SEPTIN9: variants seen among roughly 807,000 people sequenced by gnomAD.
The protein encoded by SEPTIN9 is septin-9.
In SEPTIN9, 13 loss-of-function variants were observed where a neutral mutation model predicts 56.6. The observed-to-expected ratio is 0.23, with a 90% CI of 0.15 to 0.37. The LOEUF (loss-of-function observed/expected upper bound fraction) is 0.37, where lower values mean the gene tolerates loss of function less well. Ranked by LOEUF, SEPTIN9 falls within the 10% of genes least tolerant of loss-of-function variation. The pLI is 1.00. For missense variants in SEPTIN9, 650 were observed against 823.1 expected (o/e 0.79, Z 2.57); for synonymous variants, 332 against 334.1 (o/e 0.99, Z 0.07).
chr17:77,490,670 C>A, intron 7 of SEPTIN9, 72 bp from the exon 8 acceptor site: 1 of 1,201,562 alleles, frequency 8.3e-7, no homozygotes, highest in South Asian at 1.3e-5. Flanking sequence ...GTGTCGACAC[C>A]TGCTTGGGGG....
chr17:77,388,307 C>T (rs1369749016), intron 2 of SEPTIN9, among the ~76,000 whole-genome samples: 1 of 152,146 alleles, frequency 6.6e-6, no homozygotes. Context: ...GGAGGTGCTG[C>T]CTCTCTCTGG....
Position 77,429,925 on chromosome 17 carries a change from T to G in SEPTIN9, c.721+27222T>G, listed in dbSNP as rs2037063940. Among the ~76,000 whole-genome samples the G allele has an allele frequency of 6.6e-6, 1 of 152,174 alleles. No homozygotes were observed. The highest frequency in any genetic ancestry group is 2.4e-5 in the African/African-American group (1 of 41,428). On this transcript the variant is annotated intron_variant, in intron 3 of 11. Coordinates refer to ENST00000427177, the MANE Select transcript of SEPTIN9 (RefSeq NM_001113491.2). This position sits in a 1 kb window ranked among gnomAD's most constrained non-coding sequence, Gnocchi z 5.2. ...ATGGCTGTCAAATCCTTTAGATGCT[T>G]CTGGGTTCCATGGGCGCCTTACACT...
intron 3 of SEPTIN9, among the ~76,000 whole-genome samples, chr17:77,444,323 G>A (rs2037655967): frequency 6.6e-6 from 1 of 152,326 alleles, no homozygotes; most frequent in African/African-American, 2.4e-5. Context: ...GGAGCGAGAT[G>A]GGAGGTGGGT....
rs1327893841 is a variant in SEPTIN9, at chr17:77,421,486, A to G, written c.721+18783A>G. 1.3e-5 allele frequency among the ~76,000 whole-genome samples: 2 copies of G among 152,040 alleles called. No individual in the cohort carries two copies. Among genetic ancestry groups the G allele is most frequent in the Non-Finnish European group, 2.9e-5 (2 of 68,014 alleles). ...GGGGTCTGTGCTTCCCTGGGGACCGAGATGAGGGCTCCAGGTTGGCTCCGG... is the reference window on the plus strand; with the variant it reads ...GGGGTCTGTGCTTCCCTGGGGACCGGGATGAGGGCTCCAGGTTGGCTCCGG... On this transcript the variant is annotated intron_variant, in intron 3 of 11. Coordinates refer to ENST00000427177, the MANE Select transcript of SEPTIN9 (RefSeq NM_001113491.2). The surrounding 1 kb of genome is among the most constrained non-coding windows in gnomAD (Gnocchi z 4.6).
intron 2 of SEPTIN9, among the ~76,000 whole-genome samples, chr17:77,333,745 G>C (rs1347118842): frequency 6.6e-6 from 1 of 152,148 alleles, no homozygotes; most frequent in Non-Finnish European, 1.5e-5. Flanking sequence ...ATGGTGTGAG[G>C]TAGAGGGTCA....
chr17:77,458,284 C>T (rs1038042569), intron 3 of SEPTIN9, among the ~76,000 whole-genome samples: 14 of 152,318 alleles, frequency 9.2e-5, no homozygotes, highest in Non-Finnish European at 1.8e-4. Context: ...GAGCAAGGTT[C>T]CCAGCCAGGG....
rs368402337 is a variant in SEPTIN9 at position 77,367,183 on chromosome 17, C to T, written c.77-34876C>T. Among the ~76,000 whole-genome samples, 91 of 152,312 alleles carry T rather than the reference C, an allele frequency of 6.0e-4. 2 individuals are homozygous for T. In the South Asian group the frequency reaches 0.012, roughly 20 times the overall value. ...CTGAAAGAGACTTAGTGGTCCACAG[C>T]CTGGTGGCTGCTCCCAGTACAGGTG... On this transcript the variant is annotated intron_variant, in intron 2 of 11. Coordinates refer to ENST00000427177, the MANE Select transcript of SEPTIN9 (RefSeq NM_001113491.2). This position sits in a 1 kb window ranked among gnomAD's most constrained non-coding sequence, Gnocchi z 4.5.
chr17:77,457,969 G>A (rs114329664), intron 3 of SEPTIN9, among the ~76,000 whole-genome samples: 1,530 of 152,282 alleles, frequency 0.01, 23 homozygotes, highest in African/African-American at 0.035. Flanking sequence ...GTAAACCCAC[G>A]CGCCACCCTA....
chr17:77,388,728 T>C (rs1804272723), intron 2 of SEPTIN9, among the ~76,000 whole-genome samples: 3 of 149,136 alleles, frequency 2.0e-5, no homozygotes, highest in South Asian at 4.4e-4. Context: ...GGCCATCGGC[T>C]GCCCGCCTTG....
rs2037284599 is a variant in SEPTIN9 at position 77,434,959 on chromosome 17, G to T, written c.721+32256G>T. Among the ~76,000 whole-genome samples, 1 of 152,198 alleles carries T rather than the reference G, an allele frequency of 6.6e-6. No homozygotes were observed. The highest frequency in any genetic ancestry group is 2.1e-4 in the South Asian group (1 of 4,830). The stretch of plus-strand genomic sequence containing the variant: ...CCTCTGCCGACATCAGGCTGCCGGT[G>T]CTGGACGGGGCCCTGGCAACCGTGG... On this transcript the variant is annotated intron_variant, in intron 3 of 11. Transcript: ENST00000427177. This position sits in a 1 kb window ranked among gnomAD's most constrained non-coding sequence, Gnocchi z 5.0.
At chr17:77,469,687 G>A (rs1190811285) in intron 3 of SEPTIN9, 1 of 152,116 alleles carries the variant, frequency 6.6e-6, no homozygotes. Context: ...TTTTCCTGGG[G>A]AGAGTCTGGG....
Position 77,498,669 on chromosome 17 carries a change from G to GGCCCC in SEPTIN9, c.*11_*12insGCCCC. The GGCCCC allele has an allele frequency of 1.3e-6, 2 of 1,550,294 alleles. No individual in the cohort carries two copies. Among genetic ancestry groups the GGCCCC allele is most frequent in the Non-Finnish European group, 8.7e-7 (1 of 1,149,428 alleles). ...GCCCCGGAGATGTAGACGCCACCCT[G>GGCCCC]CCCACCCCCGGGATCCTGCCCCCAA... On this transcript the variant is annotated 3_prime_UTR_variant, in exon 12 of 12. Coordinates refer to ENST00000427177, the MANE Select transcript of SEPTIN9 (RefSeq NM_001113491.2).
At chr17:77,335,154 G>A (rs1302902410) in intron 2 of SEPTIN9, among the ~76,000 whole-genome samples, 4 of 151,782 alleles carry the variant, frequency 2.6e-5, no homozygotes, top group African/African-American at 9.7e-5. Context: ...GCCCTATGTT[G>A]ACTGTATATG....
chr17:77,388,834 T>TTTC (rs1283776131), intron 2 of SEPTIN9, among the ~76,000 whole-genome samples: 4 of 118,710 alleles, frequency 3.4e-5, no homozygotes, highest in African/African-American at 1.1e-4. Flanking sequence ...TTTTTTTTTT[T>TTTC]GCATTTTTTA....
At chr17:77,289,663 C>T (rs2031449442) in intron 1 of SEPTIN9, among the ~76,000 whole-genome samples, 1 of 152,216 alleles carries the variant, frequency 6.6e-6, no homozygotes, top group Non-Finnish European at 1.5e-5. Context: ...CCGCCTTGGC[C>T]TCCCAAAGTG....
In SEPTIN9 at chr17:77,475,750, C is replaced by G. The variant is rs1437313745; in HGVS notation, c.722-6394C>G. Reference sequence around the variant, plus strand: ...GGGCACCAGCTGTAGATGCCGGCAGCTTTCTCCTGGACACGGGCCTGGAAG... The same window carrying G: ...GGGCACCAGCTGTAGATGCCGGCAGGTTTCTCCTGGACACGGGCCTGGAAG... On this transcript the variant is annotated intron_variant, in intron 3 of 11. Transcript: ENST00000427177. The surrounding 1 kb of genome is among the most constrained non-coding windows in gnomAD (Gnocchi z 4.6). The G allele has an allele frequency of 6.2e-7, 1 of 1,613,100 alleles. No individual in the cohort carries two copies. The highest frequency in any genetic ancestry group is 1.1e-5 in the South Asian group (1 of 91,084).
chr17:77,354,340 G>A (rs1164714814), intron 2 of SEPTIN9, among the ~76,000 whole-genome samples: 2 of 152,188 alleles, frequency 1.3e-5, no homozygotes, highest in African/African-American at 2.4e-5. Flanking sequence ...TCACTCATGC[G>A]GCAGGCGCTA....
chr17:77,441,446 C>G (rs1041143772), intron 3 of SEPTIN9, among the ~76,000 whole-genome samples: 1 of 152,356 alleles, frequency 6.6e-6, no homozygotes, highest in East Asian at 1.9e-4. Context: ...CATGCTTAGA[C>G]ACTTCGTGTG....
chr17:77,331,081 A>G (rs1274178859), intron 2 of SEPTIN9, among the ~76,000 whole-genome samples: 2 of 152,226 alleles, frequency 1.3e-5, no homozygotes, highest in African/African-American at 4.8e-5. Flanking sequence ...CAGGCTGGGT[A>G]CAGTGGCTCA....
Sources: gnomAD v4.1 joint callset for allele counts (sites outside exome capture counted in the v4.1 genomes callset) on GRCh38, gnomAD v4.1.1 for gene constraint, Gnocchi (gnomAD v3.1) non-coding constraint, MANE v1.5 for transcripts, NCBI Gene and HGNC (gene_info 2026-07-23, HGNC 2026-07-21) for gene names.